Variants in RELN observed in about 807,000 individuals in gnomAD.
The protein encoded by RELN is reelin.
Under a neutral mutation model 427.6 loss-of-function variants are expected in RELN, and 108 were observed. That is an observed-to-expected ratio of 0.25 (90% CI 0.22 to 0.30). The LOEUF is 0.30. Among genes scored for constraint, RELN ranks in the 10% least tolerant of loss-of-function variants. The pLI, the probability that RELN is intolerant of heterozygous loss-of-function variation, is 1.00. For synonymous variants in RELN, 1,524 were observed against 1,513.4 expected, an observed-to-expected ratio of 1.01 and a Z score of -0.16; for missense variants, 3,715 against 4,302.8, an observed-to-expected ratio of 0.86 and a Z score of 3.82.
chr7:103,821,702 A>G (rs1262948802), intron 3 of RELN, among the ~76,000 whole-genome samples: 2 of 152,140 alleles, frequency 1.3e-5, no homozygotes, highest in Non-Finnish European at 2.9e-5. Flanking sequence ...TTACAGCCAC[A>G]CTTTCAATAT....
intron 10 of RELN, among the ~76,000 whole-genome samples, chr7:103,693,449 A>C (rs1833912516): frequency 6.6e-6 from 1 of 152,068 alleles, no homozygotes; most frequent in Non-Finnish European, 1.5e-5. Flanking sequence ...CCACCATGGC[A>C]CATGTATACT....
At chr7:103,766,859 G>C (rs373912648) in intron 4 of RELN, among the ~76,000 whole-genome samples, 11 of 152,316 alleles carry the variant, frequency 7.2e-5, no homozygotes, top group African/African-American at 2.2e-4. Context: ...CTGTAAGCCT[G>C]ACCTCTTTCC....
At chr7:103,747,603 T>C (rs1273107557) in intron 6 of RELN, among the ~76,000 whole-genome samples, 2 of 150,450 alleles carry the variant, frequency 1.3e-5, no homozygotes, top group Admixed American at 1.3e-4. Flanking sequence ...AGAACAGTCA[T>C]CTCTCAAATA....
chr7:103,816,909 T>A (rs565662767), intron 3 of RELN, among the ~76,000 whole-genome samples: 2 of 152,214 alleles, frequency 1.3e-5, no homozygotes, highest in Non-Finnish European at 1.5e-5. Context: ...TGGAGTGCAA[T>A]GACGCGATCT....
intron 4 of RELN, among the ~76,000 whole-genome samples, chr7:103,766,584 C>T (rs1330071929): frequency 6.6e-6 from 1 of 152,232 alleles, no homozygotes; most frequent in Admixed American, 6.5e-5. Context: ...GGAGGTTAAA[C>T]ACCCCATTCA....
At chr7:103,583,355 T>C (rs1479396583) in intron 28 of RELN, among the ~76,000 whole-genome samples, 1 of 152,242 alleles carries the variant, frequency 6.6e-6, no homozygotes, top group Non-Finnish European at 1.5e-5. Flanking sequence ...TATCTACATA[T>C]ATAGATATCC....
At chr7:103,881,688 C>A (rs1020677596) in intron 2 of RELN, among the ~76,000 whole-genome samples, 3 of 152,118 alleles carry the variant, frequency 2.0e-5, no homozygotes, top group Non-Finnish European at 2.9e-5. Context: ...CCAGCAGAGA[C>A]ACCAGATTTG....
At chr7:103,852,715 A>C (rs1793854231) in intron 2 of RELN, among the ~76,000 whole-genome samples, 1 of 152,058 alleles carries the variant, frequency 6.6e-6, no homozygotes, top group Non-Finnish European at 1.5e-5. Context: ...AATAGAATAA[A>C]TTAAATAACA....
At chr7:103,494,571 T>C (rs1562850435) in intron 57 of RELN, among the ~76,000 whole-genome samples, 1 of 137,144 alleles carries the variant, frequency 7.3e-6, no homozygotes, top group African/African-American at 2.8e-5. Context: ...TTGGTAGAGA[T>C]AGGGGGTCTT....
At chr7:103,845,766 T>C (rs1295403097) in intron 2 of RELN, among the ~76,000 whole-genome samples, 1 of 152,108 alleles carries the variant, frequency 6.6e-6, no homozygotes, top group African/African-American at 2.4e-5. Context: ...TCATTCACAA[T>C]TGCCACAAAG....
chr7:103,503,083 A>T lies in RELN; in HGVS notation c.8422T>A (p.Ser2808Thr). ...CACCCTTTAGTTGGAAAGAATACAG[A>T]TGGCTGAGAAACACTTCCAGAGCAT... Reference protein sequence around the residue: ...PKCSGSVSQPSVFFPTKGWKR... With the variant: ...PKCSGSVSQPTVFFPTKGWKR... Residue 2808 changes from serine (S) to threonine (T), a missense_variant, in exon 52 of 65, where the codon TCT (serine) becomes ACT (threonine). Physicochemically the swap from Ser to Thr is moderately conservative, Grantham distance 58. Coordinates refer to ENST00000428762, the MANE Select transcript of RELN (RefSeq NM_005045.4). 6.2e-7 allele frequency: 1 copy of T among 1,614,196 alleles called. No individual in the cohort carries two copies. The highest frequency in any genetic ancestry group is 8.5e-7 in the Non-Finnish European group (1 of 1,180,038).
At position 103,603,783 on chromosome 7, in the gene RELN, T is replaced by TG. The variant is rs1562917392; in HGVS notation, c.3147-294dup. 6.6e-6 allele frequency among the ~76,000 whole-genome samples: 1 copy of TG among 152,152 alleles called. No homozygotes were observed. The highest frequency in any genetic ancestry group is 2.4e-5 in the African/African-American group (1 of 41,438). ...GTGTGCTTATGTGAGTGTGTGTTTG[T>TG]GGGGGGCTGAGGGATAGTGGGATTT... On this transcript the variant is annotated intron_variant, in intron 23 of 64. Transcript: ENST00000428762. This position sits in a 1 kb window ranked among gnomAD's most constrained non-coding sequence, Gnocchi z 4.3.
intron 10 of RELN, among the ~76,000 whole-genome samples, chr7:103,687,642 G>C (rs940027854): frequency 2.6e-5 from 4 of 152,076 alleles, no homozygotes; most frequent in African/African-American, 7.2e-5. Flanking sequence ...TAGGTGCCAT[G>C]CTAGGTACAA....
intron 19 of RELN, among the ~76,000 whole-genome samples, chr7:103,632,141 A>G (rs1832483827): frequency 6.6e-6 from 1 of 152,224 alleles, no homozygotes; most frequent in African/African-American, 2.4e-5. Flanking sequence ...AGAGGTGTTA[A>G]GACTACGGGT....
At chr7:103,839,234 C>T (rs1470868063) in intron 2 of RELN, among the ~76,000 whole-genome samples, 3 of 151,836 alleles carry the variant, frequency 2.0e-5, no homozygotes, top group African/African-American at 7.3e-5. Context: ...ATCCTAAAAC[C>T]ATCCCAAACA....
At position 103,711,034 on chromosome 7, in the gene RELN, C is replaced by T. The variant is rs541131001; in HGVS notation, c.806-10028G>A. Reference sequence around the variant, plus strand: ...ACTCCAGCCTGGCAACAGAGCGAGACTCCGTCTCAAAAAAAAATTTTTTTA... The same window carrying T: ...ACTCCAGCCTGGCAACAGAGCGAGATTCCGTCTCAAAAAAAAATTTTTTTA... On this transcript the variant is annotated intron_variant, in intron 8 of 64. Transcript: ENST00000428762. Among the ~76,000 whole-genome samples, 97 of 152,108 alleles carry T rather than the reference C, an allele frequency of 6.4e-4. 1 individual carries two copies. The highest frequency in any genetic ancestry group is 1.1e-3 in the Non-Finnish European group (77 of 67,996).
Position 103,491,966 on chromosome 7 carries a change from T to C in RELN, c.9430A>G (p.Thr3144Ala). ...TATTTCACAAACCTTGCATCCTTAG[T>C]GTATTCCAGCATTACGGAATGAAGG... ...GDLHSVMLEY[T>A]KDARSDSWQL... is the part of the protein sequence containing the mutation. The change falls in exon 58 of 65, where the codon ACT becomes GCT. Residue 3144 changes from threonine to alanine, a missense_variant. Thr to Ala is a moderately conservative substitution (Grantham distance 58). Around this residue, in one of 4 missense-constraint regions of RELN, gnomAD observed 1,310 missense variants for 1,643.0 expected, o/e 0.80. Transcript: ENST00000428762. 2 of 1,612,364 alleles carry C rather than the reference T, an allele frequency of 1.2e-6. No individual in the cohort carries two copies. Among genetic ancestry groups the C allele is most frequent in the South Asian group, 2.2e-5 (2 of 90,856 alleles).
intron 2 of RELN, among the ~76,000 whole-genome samples, chr7:103,896,749 C>T (rs1252261737): frequency 6.6e-6 from 1 of 152,056 alleles, no homozygotes. Context: ...ACAAACTTTA[C>T]AAACATGGTA....
chr7:103,866,921 AATTAGACAAGCAATC>A (rs1794214389), intron 2 of RELN, among the ~76,000 whole-genome samples: 1 of 152,104 alleles, frequency 6.6e-6, no homozygotes, highest in South Asian at 2.1e-4. Context: ...TTTGTTAATT[AATTAGACAAGCAATC>A]ATTAGCTATC....
Sources: gnomAD v4.1 joint callset for allele counts (sites outside exome capture counted in the v4.1 genomes callset) on GRCh38, gnomAD v4.1.1 for gene constraint, gnomAD v4.1.1 regional missense constraint, Gnocchi (gnomAD v3.1) non-coding constraint, MANE v1.5 for transcripts, NCBI Gene and HGNC (gene_info 2026-07-23, HGNC 2026-07-21) for gene names.